Variants in SKAP1 observed in about 807,000 individuals in gnomAD.
The protein encoded by SKAP1 is src kinase associated phosphoprotein 1.
SKAP1 carries 44 observed loss-of-function variants against 58.5 expected under a neutral mutation model. The observed-to-expected ratio is 0.75, with a 90% CI of 0.59 to 0.97. The LOEUF (loss-of-function observed/expected upper bound fraction) is 0.97. Ranked by LOEUF, SKAP1 falls within the 50% of genes least tolerant of loss-of-function variation. The probability of loss-of-function intolerance (pLI) is 0.00; values close to 1 mark genes in which losing one functional copy is unlikely to be tolerated. For synonymous variants in SKAP1, 127 were observed against 149.7 expected (o/e 0.85, Z 1.11); for missense variants, 390 against 435.2 (o/e 0.90, Z 0.92).
upstream of SKAP1, among the ~76,000 whole-genome samples, chr17:48,432,638 T>A (rs1890122599): frequency 6.6e-6 from 1 of 152,210 alleles, no homozygotes; most frequent in South Asian, 2.1e-4. Context: ...TGTGCTATCA[T>A]CTCAATTTTT....
At position 48,257,128 on chromosome 17, in the gene SKAP1, T is replaced by A. The variant is rs12051689; in HGVS notation, c.281-67628A>T. On this transcript the variant is annotated intron_variant, in intron 4 of 12. Transcript: ENST00000336915. ...GAGCCTAGCTTACTGTCATTTAAAA[T>A]TTTTTTTTTTTGTATTTTAAAAGGT... 4.9e-4 allele frequency among the ~76,000 whole-genome samples: 71 copies of A among 146,000 alleles called. 1 individual carries two copies. Among genetic ancestry groups the A allele is most frequent in the East Asian group, 4.3e-3 (21 of 4,940 alleles).
intron 2 of SKAP1, among the ~76,000 whole-genome samples, chr17:48,385,232 G>T (rs971059528): frequency 6.6e-6 from 1 of 152,020 alleles, no homozygotes; most frequent in African/African-American, 2.4e-5. Flanking sequence ...GATTAAAGGG[G>T]ACTGAATAGT....
At chr17:48,397,242 G>C (rs1456207559) in intron 1 of SKAP1, among the ~76,000 whole-genome samples, 1 of 152,060 alleles carries the variant, frequency 6.6e-6, no homozygotes, top group Non-Finnish European at 1.5e-5. Flanking sequence ...TCTTTTAGGG[G>C]GGGGATGGAG....
At position 48,330,595 on chromosome 17, in the gene SKAP1, G is replaced by A. The variant is rs190730275; in HGVS notation, c.280+15310C>T. The stretch of plus-strand genomic sequence containing the variant: ...GGAGAAGGGAAGCATTCTGCAACCC[G>A]CCCTCTTCATTCATGCTGCCAGAAG... On this transcript the variant is annotated intron_variant, in intron 4 of 12. Transcript: ENST00000336915. Among the ~76,000 whole-genome samples, 6 of 152,322 alleles carry A rather than the reference G, an allele frequency of 3.9e-5. No individual in the cohort carries two copies. The East Asian group carries it at 5.8e-4, about 15-fold the overall frequency.
At chr17:48,414,856 T>A (rs1598677277) in intron 1 of SKAP1, among the ~76,000 whole-genome samples, 1 of 152,204 alleles carries the variant, frequency 6.6e-6, no homozygotes, top group African/African-American at 2.4e-5. Flanking sequence ...TGGTGAAAGT[T>A]TCTTACATTC....
chr17:48,186,723 G>GCCT (rs59311018), intron 6 of SKAP1, among the ~76,000 whole-genome samples: 18,298 of 152,056 alleles, frequency 0.12, 1,615 homozygotes, highest in East Asian at 0.43. Context: ...GCCTGCCTTG[G>GCCT]CCTCCCAAAG....
At chr17:48,333,919 C>G (rs561559520) in intron 4 of SKAP1, among the ~76,000 whole-genome samples, 1 of 151,968 alleles carries the variant, frequency 6.6e-6, no homozygotes, top group African/African-American at 2.4e-5. Context: ...CCTGATGTTT[C>G]CTAGGAAAAT....
At chr17:48,404,128 T>A (rs1353416541) in intron 1 of SKAP1, among the ~76,000 whole-genome samples, 1 of 149,560 alleles carries the variant, frequency 6.7e-6, no homozygotes, top group Non-Finnish European at 1.5e-5. Flanking sequence ...GTGGTCTACA[T>A]GGTTTAAAAT....
intron 4 of SKAP1, among the ~76,000 whole-genome samples, chr17:48,249,933 G>A (rs747187949): frequency 7.9e-5 from 12 of 151,664 alleles, no homozygotes; most frequent in Non-Finnish European, 1.8e-4. Context: ...GCTCAGAAGG[G>A]TAAGAGAGGA....
chr17:48,329,489 G>A (rs1282843304), intron 4 of SKAP1, among the ~76,000 whole-genome samples: 1 of 152,224 alleles, frequency 6.6e-6, no homozygotes, highest in African/African-American at 2.4e-5. Flanking sequence ...AGGATCACTT[G>A]AAGTCAGGAG....
At chr17:48,264,750 A>G (rs1310738140) in intron 4 of SKAP1, among the ~76,000 whole-genome samples, 2 of 137,314 alleles carry the variant, frequency 1.5e-5, no homozygotes, top group Admixed American at 1.4e-4. Context: ...TACAAAACAC[A>G]CACACACACA....
chr17:48,368,346 C>T (rs557401696), intron 2 of SKAP1, among the ~76,000 whole-genome samples: 2 of 152,340 alleles, frequency 1.3e-5, no homozygotes, highest in East Asian at 3.9e-4. Flanking sequence ...CCAACATCTT[C>T]CAATTCTTAC....
chr17:48,392,747 C>A (rs2067364851), intron 2 of SKAP1, among the ~76,000 whole-genome samples: 1 of 151,872 alleles, frequency 6.6e-6, no homozygotes, highest in African/African-American at 2.4e-5. Context: ...GTAATCCCAG[C>A]TACTTGGGAG....
intron 4 of SKAP1, among the ~76,000 whole-genome samples, chr17:48,225,263 T>G (rs1275885481): frequency 6.6e-6 from 1 of 152,172 alleles, no homozygotes; most frequent in East Asian, 1.9e-4. Flanking sequence ...ACACAGTAGG[T>G]GCTTACTCAA....
intron 2 of SKAP1, among the ~76,000 whole-genome samples, chr17:48,372,803 G>A (rs781689134): frequency 5.3e-5 from 8 of 152,064 alleles, no homozygotes; most frequent in Non-Finnish European, 7.4e-5. Flanking sequence ...ACCACACCTG[G>A]CTAATTTCCT....
At chr17:48,331,624 G>A (rs138914436) in intron 4 of SKAP1, among the ~76,000 whole-genome samples, 2 of 152,116 alleles carry the variant, frequency 1.3e-5, no homozygotes, top group East Asian at 3.9e-4. Flanking sequence ...GCTTGAACCC[G>A]GGAGGCGGAG....
In SKAP1 at chr17:48,237,404, T is replaced by C. The variant is rs145979555; in HGVS notation, c.281-47904A>G. ...ATCTTAAAAATGTTCTGGTCAAAAC[T>C]GAAAATTGTCAATCCCATGATACTG... On this transcript the variant is annotated intron_variant, in intron 4 of 12. Coordinates refer to ENST00000336915, the MANE Select transcript of SKAP1 (RefSeq NM_003726.4). Among the ~76,000 whole-genome samples the C allele has an allele frequency of 1.4e-3, 210 of 152,344 alleles. 2 individuals are homozygous for C. Among genetic ancestry groups the C allele is most frequent in the African/African-American group, 5.0e-3 (206 of 41,582 alleles).
intron 4 of SKAP1, among the ~76,000 whole-genome samples, chr17:48,330,258 T>G (rs1469842386): frequency 6.6e-6 from 1 of 152,166 alleles, no homozygotes; most frequent in Non-Finnish European, 1.5e-5. Flanking sequence ...TTTAAAAATT[T>G]TATATGAGAG....
At chr17:48,241,120 T>A (rs1233378440) in intron 4 of SKAP1, among the ~76,000 whole-genome samples, 1 of 152,112 alleles carries the variant, frequency 6.6e-6, no homozygotes. Context: ...TCCAAGATCA[T>A]AAGGGACCTT....
Sources: gnomAD v4.1 joint callset for allele counts (sites outside exome capture counted in the v4.1 genomes callset) on GRCh38, gnomAD v4.1.1 for gene constraint, MANE v1.5 for transcripts, NCBI Gene and HGNC (gene_info 2026-07-23, HGNC 2026-07-21) for gene names.